Variants in CEP162 observed in about 807,000 individuals in gnomAD.
The protein encoded by CEP162 is centrosomal protein 162.
In CEP162, 141 loss-of-function variants were observed where a neutral mutation model predicts 169.2. The observed-to-expected ratio is 0.83, with a 90% CI of 0.73 to 0.96. The LOEUF (loss-of-function observed/expected upper bound fraction) is 0.96, where lower values mean the gene tolerates loss of function less well. Ranked by LOEUF, CEP162 falls within the 40% of genes least tolerant of loss-of-function variation. The pLI, the probability that CEP162 is intolerant of heterozygous loss-of-function variation, is 0.00. For synonymous variants in CEP162, 540 were observed against 526.4 expected (o/e 1.03, Z -0.35); for missense variants, 1,600 against 1,587.2 (o/e 1.01, Z -0.14).
chr6:84,196,666 G>A (rs1168496923), intron 9 of CEP162, among the ~76,000 whole-genome samples: 3 of 152,046 alleles, frequency 2.0e-5, no homozygotes, highest in Non-Finnish European at 4.4e-5. Flanking sequence ...CATACCCATG[G>A]TTAATTAACC....
At chr6:84,129,765 T>C (rs748082568) in intron 25 of CEP162, among the ~76,000 whole-genome samples, 5 of 152,042 alleles carry the variant, frequency 3.3e-5, no homozygotes, top group Non-Finnish European at 7.4e-5. Flanking sequence ...TGGACTGAGA[T>C]GATGGGGTTT....
chr6:84,222,772 G>GCACA (rs112085957), intron 2 of CEP162, among the ~76,000 whole-genome samples: 1,640 of 150,540 alleles, frequency 0.011, 30 homozygotes, highest in African/African-American at 0.038. Flanking sequence ...ACACGCGCGT[G>GCACA]CACACACACA....
At chr6:84,209,217 T>TC (rs1689636121) in intron 6 of CEP162, among the ~76,000 whole-genome samples, 1 of 152,158 alleles carries the variant, frequency 6.6e-6, no homozygotes, top group Admixed American at 6.5e-5. Flanking sequence ...ACTTTTTCCA[T>TC]CTGTAAATTG....
chr6:84,211,497 A>G (rs1352505374), intron 6 of CEP162, among the ~76,000 whole-genome samples: 1 of 144,228 alleles, frequency 6.9e-6, no homozygotes. Flanking sequence ...ACTGCACTCC[A>G]GCCTGGCTGA....
chr6:84,132,716 A>C (rs2099512141), intron 25 of CEP162, among the ~76,000 whole-genome samples: 2 of 151,920 alleles, frequency 1.3e-5, no homozygotes, highest in South Asian at 4.2e-4. Context: ...GGTCTTCTCT[A>C]TGCTGTTTAT....
chr6:84,196,596 T>C (rs989500760), intron 9 of CEP162, among the ~76,000 whole-genome samples: 1 of 152,126 alleles, frequency 6.6e-6, no homozygotes, highest in Non-Finnish European at 1.5e-5. Context: ...TAGAGGAAAA[T>C]AATGAATCAC....
rs778043551 is a variant in CEP162 at position 84,169,431 on chromosome 6, T to G, written c.2282A>C (p.Glu761Ala). 1.9e-6 allele frequency: 3 copies of G among 1,538,790 alleles called. No individual in the cohort carries two copies. The African/African-American group carries it at 4.1e-5, about 21-fold the overall frequency. Reference sequence around the variant, plus strand: ...CAGAAAACGACTTTTGTGCATCTGTTCTCTAATTTATTTTGAAAATAAAAA... The same window carrying G: ...CAGAAAACGACTTTTGTGCATCTGTGCTCTAATTTATTTTGAAAATAAAAA... Reference protein sequence around the residue: ...SLFSEVASLKEQMHKSRFLSQ... With the variant: ...SLFSEVASLKAQMHKSRFLSQ... The change falls in exon 18 of 27, where the codon GAA (glutamate) becomes GCA (alanine). Residue 761 changes from glutamate to alanine, a missense_variant and splice_region_variant. Transcript: ENST00000403245.
intron 6 of CEP162, among the ~76,000 whole-genome samples, chr6:84,205,527 T>C (rs2099546538): frequency 6.6e-6 from 1 of 152,196 alleles, no homozygotes; most frequent in Admixed American, 6.5e-5. Flanking sequence ...CAGCCCTTCA[T>C]GCTAAAAACT....
intron 11 of CEP162, among the ~76,000 whole-genome samples, chr6:84,192,407 C>A (rs62449306): frequency 6.6e-6 from 1 of 152,128 alleles, no homozygotes; most frequent in Non-Finnish European, 1.5e-5. Flanking sequence ...CTGTAGTTAC[C>A]GCTAACATAC....
At chr6:84,212,646 C>T (rs2099549963) in intron 6 of CEP162, among the ~76,000 whole-genome samples, 1 of 151,924 alleles carries the variant, frequency 6.6e-6, no homozygotes, top group African/African-American at 2.4e-5. Flanking sequence ...AAACAAATGG[C>T]AAAACCGTAA....
intron 21 of CEP162, among the ~76,000 whole-genome samples, chr6:84,160,202 G>A (rs866191347): frequency 2.6e-5 from 4 of 152,138 alleles, no homozygotes; most frequent in African/African-American, 9.6e-5. Context: ...CTATATTACA[G>A]TGTTTTAAAA....
In CEP162 at chr6:84,200,816, T is replaced by C. The variant is rs2099544132; in HGVS notation, c.808A>G (p.Met270Val). Residue 270 changes from methionine (M) to valine (V), a missense_variant, in exon 9 of 27, where the codon ATG (methionine) becomes GTG (valine). Physicochemically the swap from Met to Val is conservative, Grantham distance 21. Transcript: ENST00000403245. The stretch of plus-strand genomic sequence containing the variant: ...GTTCCTGTCATTTCATTCTCAGTCA[T>C]TTCTGGTAGGCACCTTGGCTTAGGT... Reference protein sequence around the residue: ...ITPKPRCLPEMTENEMTGTGV... With the variant: ...ITPKPRCLPEVTENEMTGTGV... The C allele has an allele frequency of 1.2e-6, 2 of 1,607,074 alleles. No homozygotes were observed. Among genetic ancestry groups the C allele is most frequent in the Non-Finnish European group, 1.7e-6 (2 of 1,173,958 alleles).
chr6:84,126,471 G>T lies in CEP162; in HGVS notation c.3912C>A (p.Asn1304Lys). 6.4e-7 allele frequency: 1 copy of T among 1,569,518 alleles called. No individual in the cohort carries two copies. Among genetic ancestry groups the T allele is most frequent in the South Asian group, 1.2e-5 (1 of 85,066 alleles). Residue 1304 changes from asparagine to lysine, a missense_variant, in exon 26 of 27, where the codon AAC becomes AAA. By Grantham distance (94) the Asn-to-Lys change is moderately conservative (BLOSUM62 0). Transcript: ENST00000403245. ...LLEELREAKE[N>K]HTPEMKHFVG... Reference sequence around the variant, plus strand: ...CGAAATGTTTCATCTCTGGTGTATGGTTTTCTTTGGCTTCTCTCAATTCTT... The same window carrying T: ...CGAAATGTTTCATCTCTGGTGTATGTTTTTCTTTGGCTTCTCTCAATTCTT...
chr6:84,125,720 T>TA (rs1283182142), intron 26 of CEP162, among the ~76,000 whole-genome samples: 29 of 152,238 alleles, frequency 1.9e-4, no homozygotes, highest in African/African-American at 6.5e-4. Context: ...AAAAGGTGGC[T>TA]ATCTGCAAGC....
chr6:84,146,042 T>G (rs1382172239), intron 25 of CEP162, among the ~76,000 whole-genome samples: 1 of 152,134 alleles, frequency 6.6e-6, no homozygotes, highest in East Asian at 1.9e-4. Flanking sequence ...AATTGACCTA[T>G]TCTCAGCACT....
chr6:84,209,430 G>A (rs1401352908), intron 6 of CEP162, among the ~76,000 whole-genome samples: 5 of 150,672 alleles, frequency 3.3e-5, no homozygotes, highest in Middle Eastern at 6.8e-3. Context: ...GCTGGAGTGC[G>A]ATGGCACGAT....
At chr6:84,154,379 C>CTATCTATCTATCTATCTAT (rs1562020180) in intron 22 of CEP162, among the ~76,000 whole-genome samples, 45 of 124,836 alleles carry the variant, frequency 3.6e-4, no homozygotes, top group African/African-American at 1.5e-3. Flanking sequence ...TATCTATCTA[C>CTATCTATCTATCTATCTAT]CTATCTATCT....
At chr6:84,179,525 T>C (rs956505771) in intron 13 of CEP162, among the ~76,000 whole-genome samples, 2 of 152,202 alleles carry the variant, frequency 1.3e-5, no homozygotes, top group African/African-American at 4.8e-5. Flanking sequence ...GGTTGTTTTT[T>C]TTCTTGTAAA....
At position 84,169,328 on chromosome 6, in the gene CEP162, C is replaced by G. The variant is rs767681646; in HGVS notation, c.2385G>C (p.Gln795His). The change falls in exon 18 of 27, where the codon CAG becomes CAC. Residue 795 changes from glutamine (Q) to histidine (H), a missense_variant and splice_region_variant. Gln to His is a conservative substitution (Grantham distance 24). Transcript: ENST00000403245. ...TAGTCAAAATCGTTATGCAACTTACCTGTGCCATCCGTAGTTCTGCTAACA... is the reference window on the plus strand; with the variant it reads ...TAGTCAAAATCGTTATGCAACTTACGTGTGCCATCCGTAGTTCTGCTAACA... The part of the protein sequence containing the change: ...TDLLAELRMA[Q>H]KEKDSLLEDI... 7.8e-6 allele frequency: 12 copies of G among 1,532,408 alleles called. No individual in the cohort carries two copies. Among genetic ancestry groups the G allele is most frequent in the African/African-American group, 5.5e-5 (4 of 72,804 alleles). 94.9% of individuals were successfully genotyped at this position (1,532,408 alleles called of 1,614,324 possible).
Sources: gnomAD v4.1 joint callset for allele counts (sites outside exome capture counted in the v4.1 genomes callset) on GRCh38, gnomAD v4.1.1 for gene constraint, MANE v1.5 for transcripts, NCBI Gene and HGNC (gene_info 2026-07-23, HGNC 2026-07-21) for gene names.